The following PABPC1L variants were observed in gnomAD, a reference collection of about 807,000 sequenced individuals.
The protein encoded by PABPC1L is poly(A) binding protein cytoplasmic 1 like, also known as polyadenylate-binding protein 1-like.
In PABPC1L, 31 loss-of-function variants were observed where a neutral mutation model predicts 66.6. The observed-to-expected ratio is 0.47, with a 90% CI of 0.35 to 0.63. The LOEUF is 0.63. Ranked by LOEUF, PABPC1L falls within the 20% of genes least tolerant of loss-of-function variation. PABPC1L has a pLI of 0.00. For synonymous variants in PABPC1L, 348 were observed against 335.1 expected (o/e 1.04, Z -0.42); for missense variants, 722 against 848.8 (o/e 0.85, Z 1.86).
chr20:44,930,642 C>T lies in PABPC1L; in HGVS notation c.1155C>T (p.Arg385=), dbSNP rs1276642314. Residue 385 remains arginine (R), a synonymous_variant, in exon 8 of 15, where the codon CGC becomes CGT. Transcript: ENST00000217073. ...TCTTGACCAACCAGTACATGCAGCG[C>T]CTCTCCACCATGCGGACCCTGAGCA... The part of the protein sequence containing the change: ...KAILTNQYMQ[R]LSTMRTLSNP... 6.2e-7 allele frequency: 1 copy of T among 1,614,144 alleles called. No homozygotes were observed. The highest frequency in any genetic ancestry group is 8.5e-7 in the Non-Finnish European group (1 of 1,180,056).
In PABPC1L at chr20:44,932,388, C is replaced by A. The variant is rs777155025; in HGVS notation, c.1286C>A (p.Thr429Asn). The change falls in exon 9 of 15, where the codon ACC becomes AAC. Residue 429 changes from threonine (T) to asparagine (N), a missense_variant. Transcript: ENST00000217073. Reference sequence around the variant, plus strand: ...TATGGCTGTGGCCCAGTGACACCCACCCAGCCTGCCCCCAGGTGGACATCC... The same window carrying A: ...TATGGCTGTGGCCCAGTGACACCCAACCAGCCTGCCCCCAGGTGGACATCC... ...AYYGCGPVTPTQPAPRWTSQP... is the reference protein window; with the variant it reads ...AYYGCGPVTPNQPAPRWTSQP... The A allele has an allele frequency of 5.0e-6, 8 of 1,613,728 alleles. No individual in the cohort carries two copies. The African/African-American group carries it at 1.1e-4, about 22-fold the overall frequency.
At chr20:44,920,692 C>A (rs1403338820) in intron 5 of PABPC1L, among the ~76,000 whole-genome samples, 1 of 151,246 alleles carries the variant, frequency 6.6e-6, no homozygotes, top group African/African-American at 2.4e-5. Context: ...TGGTATCGAA[C>A]TCGTGACCTC....
intron 10 of PABPC1L, 81 bp from the exon 11 acceptor site, chr20:44,935,310 G>GTTT: frequency 1.0e-6 from 1 of 974,670 alleles, no homozygotes; most frequent in African/African-American, 1.6e-5. Flanking sequence ...TTCTGTTTTG[G>GTTT]TGTTGTTTTG....
intron 6 of PABPC1L, among the ~76,000 whole-genome samples, chr20:44,922,546 A>T (rs73296539): frequency 0.024 from 3,674 of 151,598 alleles, 159 homozygotes; most frequent in African/African-American, 0.083. Flanking sequence ...TCATTTTTGT[A>T]TTTTTAATAG....
At chr20:44,930,352 CG>C in intron 7 of PABPC1L, 107 bp from the exon 8 acceptor site, 1 of 1,415,916 alleles carries the variant, frequency 7.1e-7, no homozygotes, top group East Asian at 2.3e-5. Context: ...ACAGCTTTCT[CG>C]CGGGCCTGCC....
chr20:44,925,144 C>T lies in PABPC1L; in HGVS notation c.972+888C>T, dbSNP rs562198714. Reference sequence around the variant, plus strand: ...AGGAGAATGGCATGAACCCAGGAGGCGGAGCTTGCAGTGAGCCAAGATCGT... The same window carrying T: ...AGGAGAATGGCATGAACCCAGGAGGTGGAGCTTGCAGTGAGCCAAGATCGT... On this transcript the variant is annotated intron_variant, in intron 7 of 14. Coordinates refer to ENST00000217073, the MANE Select transcript of PABPC1L (RefSeq NM_001372179.1). Among the ~76,000 whole-genome samples the T allele has an allele frequency of 8.1e-5, 11 of 136,270 alleles. No homozygotes were observed. The East Asian group carries it at 2.0e-3, about 24-fold the overall frequency. 89.4% of individuals were successfully genotyped at this position (136,270 alleles called of 152,430 possible).
intron 7 of PABPC1L, 83 bp downstream of exon 7, chr20:44,924,339 C>G (rs1296510920): frequency 9.0e-7 from 1 of 1,112,536 alleles, no homozygotes; most frequent in Non-Finnish European, 1.3e-6. Context: ...CCCCTCCACC[C>G]TCTCGCCCAG....
intron 2 of PABPC1L, among the ~76,000 whole-genome samples, chr20:44,914,769 T>C (rs947083397): frequency 6.6e-6 from 1 of 152,220 alleles, no homozygotes; most frequent in Non-Finnish European, 1.5e-5. Context: ...TCATGTACTT[T>C]CTGTGTGTTA....
At position 44,938,139 on chromosome 20, in the gene PABPC1L, A is replaced by C; in HGVS notation, c.1739A>C (p.Asp580Ala). 2 of 1,614,172 alleles carry C rather than the reference A, an allele frequency of 1.2e-6. No homozygotes were observed. The highest frequency in any genetic ancestry group is 1.7e-6 in the Non-Finnish European group (2 of 1,180,032). ...GKITGMLLEI[D>A]NSELLLMLES... is the part of the protein sequence containing the mutation. ...ATCACGGGCATGCTGCTGGAGATTGACAACTCAGAGCTGTTGCTCATGCTG... is the reference window on the plus strand; with the variant it reads ...ATCACGGGCATGCTGCTGGAGATTGCCAACTCAGAGCTGTTGCTCATGCTG... Residue 580 changes from aspartate to alanine, a missense_variant, in exon 13 of 15, where the codon GAC becomes GCC. By Grantham distance (126) the Asp-to-Ala change is moderately radical. Transcript: ENST00000217073.
rs775651575 is a variant in PABPC1L at position 44,910,218 on chromosome 20, C to A, written c.75C>A (p.Ala25=). The A allele has an allele frequency of 2.5e-6, 4 of 1,578,692 alleles. No homozygotes were observed. In the African/African-American group the frequency reaches 4.1e-5, roughly 16 times the overall value. Residue 25 remains alanine (A), a synonymous_variant, in exon 1 of 15, where the codon GCC becomes GCA. Coordinates refer to ENST00000217073, the MANE Select transcript of PABPC1L (RefSeq NM_001372179.1). The stretch of plus-strand genomic sequence containing the variant: ...ATCTGCACCCCGACGTGACCGAGGC[C>A]ATGCTCTATGAGAAGTTCTCTCCCG... ...VGDLHPDVTE[A]MLYEKFSPAG... is the part of the protein sequence containing the mutation.
At chr20:44,913,266 C>A (rs932897439) in intron 2 of PABPC1L, among the ~76,000 whole-genome samples, 2 of 152,162 alleles carry the variant, frequency 1.3e-5, no homozygotes, top group African/African-American at 4.8e-5. Context: ...TGGCTTTCCT[C>A]CCTATGGCCT....
chr20:44,934,299 T>C, intron 10 of PABPC1L, among the ~76,000 whole-genome samples: 1 of 152,212 alleles, frequency 6.6e-6, no homozygotes, highest in East Asian at 1.9e-4. Flanking sequence ...CTGACACCCC[T>C]GCTTATTCCT....
At chr20:44,927,355 T>A (rs6103926) in intron 7 of PABPC1L, among the ~76,000 whole-genome samples, 72,734 of 148,580 alleles carry the variant, frequency 0.49, 18,249 homozygotes, top group Admixed American at 0.59. Context: ...ATATATATTT[T>A]TTTTTTTTTG....
rs2066722805 is a variant in PABPC1L at position 44,914,159 on chromosome 20, A to G, written c.387+1306A>G. Among the ~76,000 whole-genome samples the G allele has an allele frequency of 1.3e-5, 2 of 148,634 alleles. 1 individual carries two copies. The highest frequency in any genetic ancestry group is 4.3e-4 in the South Asian group (2 of 4,660). On this transcript the variant is annotated intron_variant, in intron 2 of 14. Transcript: ENST00000217073. ...CCCCGTAGCCTTTGGAGTGTCTGCTATTCTAGGGAGGATGGGGACAGTTTT... is the reference window on the plus strand; with the variant it reads ...CCCCGTAGCCTTTGGAGTGTCTGCTGTTCTAGGGAGGATGGGGACAGTTTT...
intron 10 of PABPC1L, among the ~76,000 whole-genome samples, chr20:44,933,645 A>G (rs1230731103): frequency 1.3e-5 from 2 of 150,204 alleles, no homozygotes; most frequent in African/African-American, 4.9e-5. Flanking sequence ...GGGTTTCTCC[A>G]TGTTGGTCAG....
At chr20:44,934,235 G>A (rs2066883710) in intron 10 of PABPC1L, among the ~76,000 whole-genome samples, 1 of 152,236 alleles carries the variant, frequency 6.6e-6, no homozygotes, top group African/African-American at 2.4e-5. Context: ...CAGCACTGGA[G>A]GTTCTGCGTG....
intron 1 of PABPC1L, among the ~76,000 whole-genome samples, chr20:44,911,135 AAAATAAATAAAT>A (rs34724097): frequency 0.05 from 7,402 of 147,566 alleles, 294 homozygotes; most frequent in African/African-American, 0.1. Flanking sequence ...GTGGTAACCT[AAAATAAATAAAT>A]AAATAAATAA....
chr20:44,918,948 G>A lies in PABPC1L; in HGVS notation c.546G>A (p.Glu182=). 6.2e-7 allele frequency: 1 copy of A among 1,611,482 alleles called. No individual in the cohort carries two copies. Among genetic ancestry groups the A allele is most frequent in the Non-Finnish European group, 8.5e-7 (1 of 1,178,748 alleles). The part of the protein sequence containing the change: ...HFKSRREREA[E]LGARALEFTN... ...AGTCTCGACGGGAGCGGGAGGCGGAGCTGGGGGCGCGGGCCCTGGAGTTCA... is the reference window on the plus strand; with the variant it reads ...AGTCTCGACGGGAGCGGGAGGCGGAACTGGGGGCGCGGGCCCTGGAGTTCA... Residue 182 remains glutamate, a synonymous_variant, in exon 4 of 15, where the codon GAG becomes GAA. Coordinates refer to ENST00000217073, the MANE Select transcript of PABPC1L (RefSeq NM_001372179.1).
intron 7 of PABPC1L, 136 bp from the exon 8 acceptor site, chr20:44,930,324 A>C (rs1278656207): frequency 8.1e-7 from 1 of 1,233,042 alleles, no homozygotes; most frequent in Non-Finnish European, 1.1e-6. Context: ...ACAGGGGTGC[A>C]CGCTACATCC....
Sources: gnomAD v4.1 joint callset for allele counts (sites outside exome capture counted in the v4.1 genomes callset) on GRCh38, gnomAD v4.1.1 for gene constraint, MANE v1.5 for transcripts, NCBI Gene and HGNC (gene_info 2026-07-23, HGNC 2026-07-21) for gene names.